The following DISC1 variants were observed in gnomAD, a reference collection of about 807,000 sequenced individuals.
DISC1 encodes the protein DISC1 scaffold protein.
Under a neutral mutation model 84.5 loss-of-function variants are expected in DISC1, and 57 were observed. The observed-to-expected ratio is 0.67, with a 90% CI of 0.55 to 0.84. DISC1 has a LOEUF of 0.84. Ranked by LOEUF, DISC1 falls within the 40% of genes least tolerant of loss-of-function variation. DISC1 has a pLI of 0.00. For synonymous variants in DISC1, 411 were observed against 415.2 expected (o/e 0.99, Z 0.12); for missense variants, 1,000 against 1,057.8 (o/e 0.95, Z 0.76).
chr1:231,890,711 T>A (rs958349819), intron 9 of DISC1, among the ~76,000 whole-genome samples: 4 of 152,178 alleles, frequency 2.6e-5, no homozygotes, highest in Non-Finnish European at 4.4e-5. Context: ...ACACTTAAAA[T>A]GGTTAAAGTG....
chr1:231,679,530 C>A (rs974907502), intron 1 of DISC1, among the ~76,000 whole-genome samples: 8 of 152,112 alleles, frequency 5.3e-5, no homozygotes, highest in African/African-American at 1.4e-4. Context: ...AGTTGCTTTC[C>A]ACAATGAGAA....
chr1:231,974,129 G>A (rs1662446972), intron 10 of DISC1, among the ~76,000 whole-genome samples: 1 of 152,136 alleles, frequency 6.6e-6, no homozygotes, highest in Admixed American at 6.5e-5. Flanking sequence ...CAAAGCAGCA[G>A]GAGAGAACCA....
At chr1:231,830,105 T>C (rs1175814824) in intron 9 of DISC1, among the ~76,000 whole-genome samples, 1 of 151,850 alleles carries the variant, frequency 6.6e-6, no homozygotes, top group Non-Finnish European at 1.5e-5. Flanking sequence ...CTTATATTAA[T>C]AAGAAAAATA....
chr1:231,957,595 T>C (rs200308739), intron 9 of DISC1, among the ~76,000 whole-genome samples: 9 of 152,200 alleles, frequency 5.9e-5, no homozygotes, highest in Non-Finnish European at 1.3e-4. Flanking sequence ...TTTGGGCATT[T>C]GGAATTTGCA....
intron 9 of DISC1, among the ~76,000 whole-genome samples, chr1:231,928,057 C>G (rs1572116005): frequency 1.3e-5 from 2 of 152,316 alleles, no homozygotes; most frequent in African/African-American, 4.8e-5. Flanking sequence ...ATTTAGGAAA[C>G]TTTTCTTGAG....
At chr1:231,907,096 C>CTCCT (rs1553392025) in intron 9 of DISC1, among the ~76,000 whole-genome samples, 1 of 45,252 alleles carries the variant, frequency 2.2e-5, no homozygotes, top group Non-Finnish European at 4.8e-5. Context: ...CCTTCCCTCC[C>CTCCT]TCCTTCCTTC....
chr1:231,853,334 A>G (rs547377956), intron 9 of DISC1, among the ~76,000 whole-genome samples: 2 of 152,344 alleles, frequency 1.3e-5, no homozygotes, highest in East Asian at 3.9e-4. Flanking sequence ...CATAGAGTGT[A>G]CTTACACAAA....
intron 8 of DISC1, among the ~76,000 whole-genome samples, chr1:231,810,235 CTA>C: frequency 6.6e-6 from 1 of 152,172 alleles, no homozygotes. Context: ...AAGGCCAGAC[CTA>C]CACAGTGCTC....
chr1:231,750,515 A>G, intron 4 of DISC1: 3 of 994,462 alleles, frequency 3.0e-6, no homozygotes, highest in Non-Finnish European at 3.6e-6. Flanking sequence ...AACATTTGCT[A>G]TTTGTGTCAC....
intron 12 of DISC1, among the ~76,000 whole-genome samples, chr1:232,035,399 C>G (rs1210985676): frequency 6.6e-6 from 1 of 152,142 alleles, no homozygotes; most frequent in Non-Finnish European, 1.5e-5. Flanking sequence ...GAGCCGAGAT[C>G]GCACCACTGC....
At chr1:231,952,691 T>TTATATATATA (rs60722025) in intron 9 of DISC1, among the ~76,000 whole-genome samples, 3 of 141,836 alleles carry the variant, frequency 2.1e-5, no homozygotes, top group Admixed American at 7.1e-5. Flanking sequence ...ATATATATGT[T>TTATATATATA]TATATATATA....
Position 231,736,396 on chromosome 1 carries a change from G to A in DISC1, c.1118-13530G>A, listed in dbSNP as rs576277750. ...ACTCTGCCTTTGCTATTTTCTTGCT[G>A]TGAGGCCTTGGGTAAATTACTTAAA... On this transcript the variant is annotated intron_variant, in intron 3 of 12. Transcript: ENST00000439617. Among the ~76,000 whole-genome samples, 4 of 152,348 alleles carry A rather than the reference G, an allele frequency of 2.6e-5. No individual in the cohort carries two copies. In the South Asian group the frequency reaches 8.3e-4, roughly 32 times the overall value.
chr1:231,663,802 G>A lies in DISC1; in HGVS notation c.68-30024G>A, dbSNP rs116278492. 2.8e-3 allele frequency among the ~76,000 whole-genome samples: 428 copies of A among 152,046 alleles called. 7 individuals carry two copies. Among genetic ancestry groups the A allele is most frequent in the East Asian group, 9.7e-3 (50 of 5,172 alleles). On this transcript the variant is annotated intron_variant, in intron 1 of 12. Coordinates refer to ENST00000439617, the MANE Select transcript of DISC1 (RefSeq NM_018662.3). ...ATAACCAGAGCTTTATTTCCATGGG[G>A]GCTAATGCTCCTTTAAGTTTCTGGC... is the stretch of plus-strand genomic sequence containing the variant.
intron 9 of DISC1, among the ~76,000 whole-genome samples, chr1:231,844,227 C>A (rs1448424198): frequency 6.6e-6 from 1 of 152,200 alleles, no homozygotes; most frequent in Non-Finnish European, 1.5e-5. Context: ...GTGCAGAGCC[C>A]ATGGTTTTCA....
At chr1:231,788,694 C>T (rs2078077037) in intron 6 of DISC1, among the ~76,000 whole-genome samples, 1 of 152,196 alleles carries the variant, frequency 6.6e-6, no homozygotes. Flanking sequence ...GAGGACATCT[C>T]ATGAGTTGAC....
chr1:231,907,702 G>T (rs2088846947), intron 9 of DISC1, among the ~76,000 whole-genome samples: 1 of 152,158 alleles, frequency 6.6e-6, no homozygotes, highest in Non-Finnish European at 1.5e-5. Context: ...TAATGGGATG[G>T]CTGGGTCAAA....
chr1:231,722,637 A>G, intron 3 of DISC1: 1 of 1,614,026 alleles, frequency 6.2e-7, no homozygotes, highest in South Asian at 1.1e-5. Context: ...CAAGACAAAT[A>G]GATATCCACA....
At position 231,780,374 on chromosome 1, in the gene DISC1, A is replaced by C. The variant is rs982140414; in HGVS notation, c.1634+9304A>C. On this transcript the variant is annotated intron_variant, in intron 6 of 12. Transcript: ENST00000439617. ...AAGGGAGGAATTCTGTTTTACTTGC[A>C]GATGTAAAAAAAGACTTTATTAACA... is the stretch of plus-strand genomic sequence containing the variant. 3.3e-5 allele frequency among the ~76,000 whole-genome samples: 5 copies of C among 152,336 alleles called. No individual in the cohort carries two copies. In the South Asian group the frequency reaches 1.0e-3, roughly 32 times the overall value.
intron 9 of DISC1, among the ~76,000 whole-genome samples, chr1:231,838,212 C>T (rs199693466): frequency 6.6e-5 from 10 of 152,128 alleles, no homozygotes; most frequent in South Asian, 2.1e-4. Context: ...ATGAATTTAA[C>T]ATATATTCAT....
Sources: allele counts gnomAD v4.1 joint callset (sites outside exome capture counted in the v4.1 genomes callset), GRCh38; gene constraint gnomAD v4.1.1; transcripts MANE v1.5; gene names NCBI Gene and HGNC (gene_info 2026-07-23, HGNC 2026-07-21).